DAB1: variants seen among roughly 807,000 people sequenced by gnomAD.
DAB1 encodes DAB adaptor protein 1.
Under a neutral mutation model 64.6 loss-of-function variants are expected in DAB1, and 15 were observed. The ratio of observed to expected loss-of-function variants is 0.23; its 90% CI spans 0.16 to 0.36. The LOEUF is 0.36. DAB1 is among the 10% of genes least tolerant of loss of function. The pLI is 1.00. For missense variants in DAB1, 596 were observed against 706.7 expected, an observed-to-expected ratio of 0.84 and a Z score of 1.78; for synonymous variants, 235 against 251.9, an observed-to-expected ratio of 0.93 and a Z score of 0.64.
chr1:58,192,663 GT>G (rs1657452452), intron 4 of DAB1, among the ~76,000 whole-genome samples: 1 of 152,138 alleles, frequency 6.6e-6, no homozygotes, highest in Non-Finnish European at 1.5e-5. Flanking sequence ...GTATATATGT[GT>G]GTGTGTGTAT....
intron 14 of DAB1, among the ~76,000 whole-genome samples, chr1:57,009,857 T>C (rs776409497): frequency 2.0e-5 from 3 of 152,234 alleles, no homozygotes; most frequent in Non-Finnish European, 4.4e-5. Context: ...AAGCCACTTC[T>C]AGTAAATGTA....
chr1:57,451,776 T>C (rs993012223), intron 7 of DAB1, among the ~76,000 whole-genome samples: 3 of 152,122 alleles, frequency 2.0e-5, no homozygotes, highest in African/African-American at 7.2e-5. Context: ...TTTCTCTCTT[T>C]TTGCGGGGAG....
chr1:58,381,984 A>G (rs1644394464), intron 3 of DAB1, among the ~76,000 whole-genome samples: 2 of 149,870 alleles, frequency 1.3e-5, no homozygotes, highest in Admixed American at 1.3e-4. Context: ...ATGAAAGAAG[A>G]AACAGTAGAT....
At chr1:57,850,452 GTT>G (rs5774375) in intron 1 of DAB1, among the ~76,000 whole-genome samples, 5,947 of 147,004 alleles carry the variant, frequency 0.04, 318 homozygotes, top group African/African-American at 0.13. Context: ...AGATAATGTA[GTT>G]TTTTTTTTTT....
chr1:57,096,382 C>A (rs752994567), intron 4 of DAB1, among the ~76,000 whole-genome samples: 31 of 152,180 alleles, frequency 2.0e-4, no homozygotes, highest in Non-Finnish European at 3.8e-4. Context: ...ATAGATATCT[C>A]CACCGCAAGA....
At chr1:58,405,435 G>T (rs1644608491) in intron 3 of DAB1, among the ~76,000 whole-genome samples, 1 of 151,196 alleles carries the variant, frequency 6.6e-6, no homozygotes, top group South Asian at 2.1e-4. Flanking sequence ...ATGTGATCTT[G>T]GCTCACTGCA....
At chr1:57,757,894 G>T (rs1648892474) in intron 6 of DAB1, among the ~76,000 whole-genome samples, 1 of 152,038 alleles carries the variant, frequency 6.6e-6, no homozygotes, top group African/African-American at 2.4e-5. Context: ...AAGGCTCTCT[G>T]TAGCATTGAA....
intron 14 of DAB1, 42 bp downstream of exon 14, chr1:57,010,638 G>C: frequency 1.8e-6 from 2 of 1,104,332 alleles, no homozygotes; most frequent in Non-Finnish European, 2.5e-6. Context: ...AGGGAAAGCA[G>C]ATAGCTTAAG....
intron 7 of DAB1, among the ~76,000 whole-genome samples, chr1:57,473,513 G>A (rs1394827841): frequency 6.6e-6 from 1 of 152,178 alleles, no homozygotes; most frequent in African/African-American, 2.4e-5. Context: ...AAAATCATTT[G>A]CAAAAGAATC....
intron 7 of DAB1, chr1:57,606,161 C>T: frequency 4.3e-6 from 1 of 230,394 alleles, no homozygotes; most frequent in Non-Finnish European, 8.9e-6. Context: ...TGGTGAATTG[C>T]CACCTCCGGC....
chr1:58,380,441 A>G (rs1644377169), intron 3 of DAB1, among the ~76,000 whole-genome samples: 1 of 152,226 alleles, frequency 6.6e-6, no homozygotes, highest in Non-Finnish European at 1.5e-5. Flanking sequence ...TTTCTTCATG[A>G]ATTACCCAGT....
At position 57,976,472 on chromosome 1, in the gene DAB1, T is replaced by G. The variant is rs1346511600; in HGVS notation, n.388-92310A>C. Reference sequence around the variant, plus strand: ...ACACCAAGCCTGTTTTTATTGTGTTTGCTCAACCAAGTCCACCAGTGAAAT... The same window carrying G: ...ACACCAAGCCTGTTTTTATTGTGTTGGCTCAACCAAGTCCACCAGTGAAAT... On this transcript the variant is annotated intron_variant and non_coding_transcript_variant, in intron 5 of 20. Transcript: ENST00000485760. Among the ~76,000 whole-genome samples the G allele has an allele frequency of 3.3e-5, 5 of 152,352 alleles. No homozygotes were observed. In the East Asian group the frequency reaches 9.6e-4, roughly 29 times the overall value.
chr1:58,176,632 A>G (rs60745473), intron 4 of DAB1, among the ~76,000 whole-genome samples: 28,877 of 152,114 alleles, frequency 0.19, 2,937 homozygotes, highest in East Asian at 0.37. Context: ...CTTTTATAAC[A>G]GCATTAATTC....
At chr1:57,726,790 T>A (rs536613835) in intron 6 of DAB1, among the ~76,000 whole-genome samples, 1 of 152,326 alleles carries the variant, frequency 6.6e-6, no homozygotes, top group East Asian at 1.9e-4. Context: ...CATCAGTATT[T>A]GAACCCAGGC....
chr1:57,446,760 G>A (rs1473848278), intron 7 of DAB1, among the ~76,000 whole-genome samples: 1 of 152,116 alleles, frequency 6.6e-6, no homozygotes, highest in Non-Finnish European at 1.5e-5. Flanking sequence ...TAGAGCATAA[G>A]GTAGATTAGT....
chr1:57,927,830 A>G (rs1305699385), intron 5 of DAB1, among the ~76,000 whole-genome samples: 1 of 152,210 alleles, frequency 6.6e-6, no homozygotes, highest in African/African-American at 2.4e-5. Context: ...CCAACATGAT[A>G]AAAACTTTCA....
chr1:57,579,881 A>AT (rs1368694179), intron 7 of DAB1, among the ~76,000 whole-genome samples: 1 of 152,214 alleles, frequency 6.6e-6, no homozygotes, highest in Non-Finnish European at 1.5e-5. Context: ...CAGAGGTTTC[A>AT]TTACACTCAC....
rs746882508 is a variant in DAB1 at position 58,506,036 on chromosome 1, C to T, written n.257+24G>A. 7 of 828,424 alleles carry T rather than the reference C, an allele frequency of 8.4e-6. No homozygotes were observed. In the African/African-American group the frequency reaches 1.2e-4, roughly 14 times the overall value. The allele number at this position is 828,424 out of a possible 1,614,324, so 51.3% of individuals were successfully genotyped here. A position where few individuals can be genotyped will look rare whatever the true frequency, so the allele number is the denominator to read the frequency against. ...TAAATGATACAGTAAAAATAATGTC[C>T]CGCCTTCTACGGTGTCAGCTCACCT... On this transcript the variant is annotated intron_variant and non_coding_transcript_variant, in intron 3 of 20. Transcript: ENST00000485760.
chr1:58,468,804 G>A (rs1165300763), intron 3 of DAB1: 1 of 158,886 alleles, frequency 6.3e-6, no homozygotes, highest in Non-Finnish European at 1.4e-5. Context: ...GAACGGCCCA[G>A]CTCTAGTGCC....
Sources: gnomAD v4.1 joint callset for allele counts (sites outside exome capture counted in the v4.1 genomes callset) on GRCh38, gnomAD v4.1.1 for gene constraint, MANE v1.5 for transcripts, NCBI Gene and HGNC (gene_info 2026-07-23, HGNC 2026-07-21) for gene names.